CNTN4: variants seen among roughly 807,000 people sequenced by gnomAD.
CNTN4 encodes contactin 4.
Under a neutral mutation model 122.5 loss-of-function variants are expected in CNTN4, and 77 were observed. The ratio of observed to expected loss-of-function variants is 0.63; its 90% CI spans 0.52 to 0.76. The LOEUF (loss-of-function observed/expected upper bound fraction) is 0.76. CNTN4 is among the 30% of genes least tolerant of loss of function. CNTN4 has a pLI of 0.00. For missense variants in CNTN4, 1,256 were observed against 1,259.1 expected (o/e 1.00, Z 0.04); for synonymous variants, 512 against 447.0 (o/e 1.15, Z -1.83).
chr3:2,455,505 C>T (rs536011608), intron 3 of CNTN4, among the ~76,000 whole-genome samples: 1 of 152,030 alleles, frequency 6.6e-6, no homozygotes, highest in South Asian at 2.1e-4. Flanking sequence ...GACACCTTTG[C>T]TTCTATACTT....
chr3:2,448,669 C>T (rs2048715172), intron 3 of CNTN4, among the ~76,000 whole-genome samples: 1 of 152,178 alleles, frequency 6.6e-6, no homozygotes. Context: ...CTGCTAGTAA[C>T]ATATCGTGGC....
In CNTN4 at chr3:2,820,961, C is replaced by CTTTTTTTTTTT. The variant is rs67731967; in HGVS notation, c.454+1388_454+1398dup. On this transcript the variant is annotated intron_variant, in intron 7 of 24. Coordinates refer to ENST00000418658, the MANE Select transcript of CNTN4 (RefSeq NM_175607.3). ...TTCTCACATGCAACATTTTCTCTTTCTTTTTTTTTTTTTTTTTTGAGACAG... is the reference window on the plus strand; with the variant it reads ...TTCTCACATGCAACATTTTCTCTTTCTTTTTTTTTTTTTTTTTTTTTTTTTTTTTGAGACAG... Among the ~76,000 whole-genome samples, 563 of 107,496 alleles carry CTTTTTTTTTTT rather than the reference C, an allele frequency of 5.2e-3. 32 individuals are homozygous for CTTTTTTTTTTT. The highest frequency in any genetic ancestry group is 0.014 in the African/African-American group (371 of 26,438). The allele number at this position is 107,496 out of a possible 152,430, so 70.5% of individuals were successfully genotyped here.
At chr3:2,601,214 C>T (rs1268457180) in intron 4 of CNTN4, among the ~76,000 whole-genome samples, 2 of 152,112 alleles carry the variant, frequency 1.3e-5, no homozygotes, top group Admixed American at 6.5e-5. Context: ...AATTAGATCC[C>T]ATTTGTCTAT....
At chr3:2,900,568 A>G (rs2094162373) in intron 10 of CNTN4, 117 bp from the exon 11 acceptor site, 2 of 1,157,592 alleles carry the variant, frequency 1.7e-6, no homozygotes, top group East Asian at 2.4e-5. Context: ...TTATTTGCAT[A>G]ACATCTGGAA....
intron 3 of CNTN4, among the ~76,000 whole-genome samples, chr3:2,450,176 G>A (rs1185181985): frequency 6.6e-6 from 1 of 152,044 alleles, no homozygotes; most frequent in Non-Finnish European, 1.5e-5. Flanking sequence ...AGACCCTCCT[G>A]GCAATATGAC....
chr3:2,935,044 T>C (rs965596169), intron 13 of CNTN4, among the ~76,000 whole-genome samples: 1 of 151,588 alleles, frequency 6.6e-6, no homozygotes, highest in Non-Finnish European at 1.5e-5. Context: ...GAGATTGGTG[T>C]TTTAAAAATG....
intron 2 of CNTN4, among the ~76,000 whole-genome samples, chr3:2,275,172 T>G (rs972225447): frequency 1.3e-5 from 2 of 152,220 alleles, no homozygotes; most frequent in Non-Finnish European, 2.9e-5. Context: ...CTGCTGTAAG[T>G]GGTTAATTAT....
At chr3:2,687,408 C>A (rs1428245166) in intron 4 of CNTN4, among the ~76,000 whole-genome samples, 1 of 152,152 alleles carries the variant, frequency 6.6e-6, no homozygotes, top group Admixed American at 6.5e-5. Flanking sequence ...TGCCTGCAAT[C>A]TCAGCACTCT....
At chr3:3,001,165 G>A (rs1696003230) in intron 14 of CNTN4, among the ~76,000 whole-genome samples, 1 of 152,140 alleles carries the variant, frequency 6.6e-6, no homozygotes, top group South Asian at 2.1e-4. Context: ...TGATAAAGGG[G>A]AATGTGGCTC....
At chr3:2,819,616 C>A (rs753579463) in intron 7 of CNTN4, 35 bp downstream of exon 7, 2 of 1,405,680 alleles carry the variant, frequency 1.4e-6, no homozygotes, top group Non-Finnish European at 1.0e-6. Flanking sequence ...GCATGCTTCA[C>A]TCTCTGTTAT....
chr3:2,627,642 C>T (rs201224717), intron 4 of CNTN4, among the ~76,000 whole-genome samples: 344 of 151,842 alleles, frequency 2.3e-3, no homozygotes, highest in East Asian at 0.011. Flanking sequence ...TACAGGTGCC[C>T]GCCACCACGC....
intron 7 of CNTN4, among the ~76,000 whole-genome samples, chr3:2,853,255 T>C (rs1219823809): frequency 3.3e-5 from 5 of 152,182 alleles, no homozygotes; most frequent in Non-Finnish European, 7.3e-5. Flanking sequence ...TTGTTTTGTT[T>C]TGTTTTTGAG....
intron 2 of CNTN4, among the ~76,000 whole-genome samples, chr3:2,151,025 C>T (rs370916441): frequency 2.0e-4 from 31 of 152,140 alleles, no homozygotes; most frequent in African/African-American, 6.7e-4. Flanking sequence ...TCTTTGTTCT[C>T]ATGGACCCCA....
intron 2 of CNTN4, among the ~76,000 whole-genome samples, chr3:2,273,413 C>T (rs1211407888): frequency 6.6e-6 from 1 of 152,150 alleles, no homozygotes; most frequent in African/African-American, 2.4e-5. Context: ...CAACAAACAT[C>T]TCAATAGGAT....
intron 2 of CNTN4, among the ~76,000 whole-genome samples, chr3:2,296,243 C>T (rs964233970): frequency 7.9e-5 from 12 of 152,070 alleles, no homozygotes; most frequent in Non-Finnish European, 1.2e-4. Flanking sequence ...ATGGGGATGG[C>T]GTTGAATCTA....
rs558572190 is a variant in CNTN4, at chr3:2,735,286, C to T, written c.56-929C>T. On this transcript the variant is annotated intron_variant, in intron 4 of 24. Coordinates refer to ENST00000418658, the MANE Select transcript of CNTN4 (RefSeq NM_175607.3). ...GAAAAACGAAAATCACTTCCATGGG[C>T]GTAAGCGGCGAGATGCATTTTGAAC... Among the ~76,000 whole-genome samples the T allele has an allele frequency of 1.2e-4, 18 of 152,272 alleles. No individual in the cohort carries two copies. In the East Asian group the frequency reaches 1.7e-3, roughly 15 times the overall value.
intron 4 of CNTN4, among the ~76,000 whole-genome samples, chr3:2,590,704 G>A (rs2080429448): frequency 6.6e-6 from 1 of 151,608 alleles, no homozygotes; most frequent in African/African-American, 2.4e-5. Context: ...CTAACTCAGG[G>A]CCTTCATACC....
chr3:2,355,832 G>A (rs1027371314), intron 3 of CNTN4, among the ~76,000 whole-genome samples: 1 of 152,130 alleles, frequency 6.6e-6, no homozygotes, highest in African/African-American at 2.4e-5. Context: ...TGCATTCTTG[G>A]CAGAGAACCC....
At chr3:2,373,560 A>T (rs116113849) in intron 3 of CNTN4, among the ~76,000 whole-genome samples, 1,788 of 152,284 alleles carry the variant, frequency 0.012, 38 homozygotes, top group African/African-American at 0.041. Context: ...TCTACTCTTC[A>T]CCCCACCTAA....
Sources: allele counts gnomAD v4.1 joint callset (sites outside exome capture counted in the v4.1 genomes callset), GRCh38; gene constraint gnomAD v4.1.1; transcripts MANE v1.5; gene names NCBI Gene and HGNC (gene_info 2026-07-23, HGNC 2026-07-21).